The following STK3 variants were observed in gnomAD, a reference collection of about 807,000 sequenced individuals.
The protein encoded by STK3 is serine/threonine kinase 3.
STK3 carries 41 observed loss-of-function variants against 58.0 expected under a neutral mutation model. The ratio of observed to expected loss-of-function variants is 0.71; its 90% CI spans 0.55 to 0.92. The LOEUF is 0.92. Among genes scored for constraint, STK3 ranks in the 40% least tolerant of loss-of-function variants. The pLI is 0.00. For synonymous variants in STK3, 170 were observed against 191.0 expected (o/e 0.89, Z 0.91); for missense variants, 479 against 602.7 (o/e 0.79, Z 2.15).
intron 7 of STK3, among the ~76,000 whole-genome samples, chr8:98,583,788 G>C (rs1814155312): frequency 6.6e-6 from 1 of 151,912 alleles, no homozygotes; most frequent in Non-Finnish European, 1.5e-5. Context: ...ATTAGTTTAA[G>C]AAGTAGATGA....
intron 3 of STK3, chr8:98,432,808 AT>A (rs1199321507): frequency 6.0e-6 from 1 of 166,938 alleles, no homozygotes; most frequent in Non-Finnish European, 1.5e-5. Context: ...TTTAACACTC[AT>A]TAACACACTA....
chr8:98,691,232 T>C (rs1205891475), intron 6 of STK3, among the ~76,000 whole-genome samples: 1 of 152,116 alleles, frequency 6.6e-6, no homozygotes, highest in Non-Finnish European at 1.5e-5. Flanking sequence ...TAATACAAAC[T>C]GTGAAAAAAT....
At chr8:98,679,038 A>T (rs1823431401) in intron 6 of STK3, among the ~76,000 whole-genome samples, 1 of 152,172 alleles carries the variant, frequency 6.6e-6, no homozygotes, top group South Asian at 2.1e-4. Context: ...AAATCCTGTT[A>T]ATCCACTTAC....
intron 6 of STK3, among the ~76,000 whole-genome samples, chr8:98,702,000 A>G (rs974789305): frequency 6.6e-6 from 1 of 152,188 alleles, no homozygotes; most frequent in African/African-American, 2.4e-5. Flanking sequence ...TAAAAGCTTT[A>G]TATGTTTCAA....
intron 6 of STK3, among the ~76,000 whole-genome samples, chr8:98,637,830 A>T (rs915986748): frequency 6.6e-6 from 1 of 152,208 alleles, no homozygotes; most frequent in Non-Finnish European, 1.5e-5. Context: ...TTCAACATCA[A>T]TGTTTGTAAT....
chr8:98,931,994 A>G (rs1198059445), intron 1 of STK3, among the ~76,000 whole-genome samples: 2 of 152,230 alleles, frequency 1.3e-5, no homozygotes, highest in Non-Finnish European at 1.5e-5. Flanking sequence ...TAATCCAAAT[A>G]AATTCTGGTA....
the STK3 span, among the ~76,000 whole-genome samples, chr8:98,357,158 G>A: frequency 9.9e-5 from 15 of 152,264 alleles, no homozygotes; most frequent in African/African-American, 3.4e-4. Flanking sequence ...AGTCCAGTGG[G>A]TTCTGGCCTT....
At chr8:98,792,191 C>A (rs1435728824) in intron 1 of STK3, among the ~76,000 whole-genome samples, 1 of 152,142 alleles carries the variant, frequency 6.6e-6, no homozygotes, top group Non-Finnish European at 1.5e-5. Context: ...GAATGGCCAA[C>A]AAACATAGGA....
intron 1 of STK3, among the ~76,000 whole-genome samples, chr8:98,891,946 A>G (rs1783792035): frequency 6.6e-6 from 1 of 152,168 alleles, no homozygotes. Flanking sequence ...TCCCAGTCCT[A>G]GCATGACAAA....
chr8:98,695,190 TG>T (rs1824775095), intron 6 of STK3, among the ~76,000 whole-genome samples: 1 of 152,146 alleles, frequency 6.6e-6, no homozygotes, highest in Non-Finnish European at 1.5e-5. Flanking sequence ...CACTTTTTGA[TG>T]GGGTTGTTTT....
At chr8:98,390,293 T>C (rs985431714), upstream of STK3, among the ~76,000 whole-genome samples, 1 of 152,204 alleles carries the variant, frequency 6.6e-6, no homozygotes. Flanking sequence ...CATATTTTCA[T>C]TGGATATAGA....
intron 3 of STK3, among the ~76,000 whole-genome samples, chr8:98,755,463 T>C (rs752321358): frequency 3.0e-4 from 45 of 152,340 alleles, no homozygotes; most frequent in Non-Finnish European, 5.9e-4. Flanking sequence ...TCCTAGTTCA[T>C]ATGAAGGAAT....
intron 4 of STK3, among the ~76,000 whole-genome samples, chr8:98,731,448 A>G (rs1327464023): frequency 1.3e-5 from 2 of 152,146 alleles, no homozygotes; most frequent in Non-Finnish European, 1.5e-5. Context: ...GGCCGGGCGC[A>G]GTGGCTCACG....
chr8:98,737,799 G>A lies in STK3; in HGVS notation c.351+11477C>T, dbSNP rs190339442. Among the ~76,000 whole-genome samples, 202 of 151,998 alleles carry A rather than the reference G, an allele frequency of 1.3e-3. No homozygotes were observed. In the East Asian group the frequency reaches 0.019, roughly 14 times the overall value. ...CTCAGCTCATTGCAACCTCTGCCCC[G>A]CAGGTTCAAGAGATTCTCCTGCCTC... On this transcript the variant is annotated intron_variant, in intron 4 of 10. Transcript: ENST00000419617.
At chr8:98,504,787 G>C (rs191105047) in intron 10 of STK3, among the ~76,000 whole-genome samples, 50 of 152,252 alleles carry the variant, frequency 3.3e-4, no homozygotes, top group African/African-American at 1.1e-3. Flanking sequence ...TTCCCTTTGT[G>C]GGTAACTCGA....
chr8:98,694,110 C>T (rs1185078580), intron 6 of STK3, among the ~76,000 whole-genome samples: 1 of 152,052 alleles, frequency 6.6e-6, no homozygotes. Flanking sequence ...TTTTACGCTG[C>T]CTATACTAAA....
upstream of STK3, among the ~76,000 whole-genome samples, chr8:98,388,911 C>A (rs979442911): frequency 2.6e-5 from 4 of 152,198 alleles, no homozygotes; most frequent in Non-Finnish European, 5.9e-5. Flanking sequence ...GATTTAAGTT[C>A]TAGATCTGCC....
At chr8:98,854,031 C>T (rs2131836031) in intron 3 of STK3, among the ~76,000 whole-genome samples, 1 of 152,122 alleles carries the variant, frequency 6.6e-6, no homozygotes, top group East Asian at 1.9e-4. Flanking sequence ...CAACATACCA[C>T]AAGAAAACTA....
intron 4 of STK3, among the ~76,000 whole-genome samples, chr8:98,709,170 T>A (rs949502365): frequency 2.6e-5 from 4 of 152,008 alleles, no homozygotes; most frequent in African/African-American, 9.7e-5. Flanking sequence ...GATAATTTGA[T>A]AGAAAATAGG....
Sources: allele counts gnomAD v4.1 joint callset (sites outside exome capture counted in the v4.1 genomes callset), GRCh38; gene constraint gnomAD v4.1.1; transcripts MANE v1.5; gene names NCBI Gene and HGNC (gene_info 2026-07-23, HGNC 2026-07-21).